HEXA: variants seen among roughly 807,000 people sequenced by gnomAD.
HEXA encodes the protein beta-hexosaminidase subunit alpha.
A neutral mutation model predicts 73.3 loss-of-function variants in HEXA; 54 were observed. The ratio of observed to expected loss-of-function variants is 0.74; its 90% confidence interval spans 0.59 to 0.92. The LOEUF (loss-of-function observed/expected upper bound fraction) is 0.92. Among genes scored for constraint, HEXA ranks in the 40% least tolerant of loss-of-function variants. The probability of loss-of-function intolerance (pLI) is 0.00; values close to 1 mark genes in which losing one functional copy is unlikely to be tolerated. For missense variants in HEXA, 649 were observed against 653.0 expected, an observed-to-expected ratio of 0.99 and a Z score of 0.07; for synonymous variants, 230 against 246.9, an observed-to-expected ratio of 0.93 and a Z score of 0.64.
In HEXA at chr15:72,345,502, T is replaced by G; in HGVS notation, c.1470A>C (p.Thr490=). 1 of 1,614,268 alleles carries G rather than the reference T, an allele frequency of 6.2e-7. No homozygotes were observed. The highest frequency in any genetic ancestry group is 8.5e-7 in the Non-Finnish European group (1 of 1,180,038). Residue 490 remains threonine, a synonymous_variant, in exon 13 of 14, where the codon ACA becomes ACC. Coordinates refer to ENST00000268097, the MANE Select transcript of HEXA (RefSeq NM_000520.6). ...VAERLWSNKL[T]SDLTFAYERL... is the part of the protein sequence containing the mutation. ...GTTCATAGGCAAATGTCAGGTCAGA[T>G]GTCAACTTGTTGCTCCACAGCCTTT...
At chr15:72,363,970 GC>G (rs928151161) in intron 1 of HEXA, among the ~76,000 whole-genome samples, 28 of 152,112 alleles carry the variant, frequency 1.8e-4, no homozygotes, top group Middle Eastern at 3.4e-3. Context: ...ATAAAAATGG[GC>G]CCAGGCTAGG....
chr15:72,354,514 C>G (rs1323326721), intron 3 of HEXA: 2 of 152,346 alleles, frequency 1.3e-5, no homozygotes, highest in Non-Finnish European at 2.9e-5. Flanking sequence ...CCTCAGCAGT[C>G]ACTCAGCACC....
At chr15:72,347,660 TTCTTC>T (rs1567296530) in intron 10 of HEXA, 21 bp downstream of exon 10, 1 of 1,601,888 alleles carries the variant, frequency 6.2e-7, no homozygotes, top group African/African-American at 1.3e-5. Flanking sequence ...TGCTGGTGGC[TTCTTC>T]TCTTCTCTGC....
chr15:72,348,128 G>A lies in HEXA; in HGVS notation c.993C>T (p.Ser331=). 6.2e-7 allele frequency: 1 copy of A among 1,609,376 alleles called. No individual in the cohort carries two copies. The highest frequency in any genetic ancestry group is 8.5e-7 in the Non-Finnish European group (1 of 1,175,718). ...TCATAAAGTCCTGGATCTCTGGGTT[G>A]GACTTCCTGAATCCCAAGAGAAAAT... ...GDEVDFTCWK[S]NPEIQDFMRK... The change falls in exon 9 of 14, where the codon TCC becomes TCT. Residue 331 remains serine (S), a synonymous_variant. Transcript: ENST00000268097.
At position 72,348,082 on chromosome 15, in the gene HEXA, C is replaced by A. The variant is rs745555933; in HGVS notation, c.1039G>T (p.Asp347Tyr). ...DFMRKKGFGE[D>Y]FKQLESFYIQ... ...TAGAAGGACTCCAGCTGCTTGAAGTCCTCACCGAAGCCTTTCTTCCTCATA... is the reference window on the plus strand; with the variant it reads ...TAGAAGGACTCCAGCTGCTTGAAGTACTCACCGAAGCCTTTCTTCCTCATA... Residue 347 changes from aspartate (D) to tyrosine (Y), a missense_variant, in exon 9 of 14, where the codon GAC becomes TAC. Physicochemically the swap from Asp to Tyr is radical, Grantham distance 160 (BLOSUM62 -3). Coordinates refer to ENST00000268097, the MANE Select transcript of HEXA (RefSeq NM_000520.6). The A allele has an allele frequency of 1.2e-6, 2 of 1,613,856 alleles. No individual in the cohort carries two copies. Among genetic ancestry groups the A allele is most frequent in the East Asian group, 2.2e-5 (1 of 44,878 alleles).
chr15:72,375,616 A>ATCTC, intron 1 of HEXA, 104 bp downstream of exon 1: 2 of 1,300,134 alleles, frequency 1.5e-6, no homozygotes, highest in Admixed American at 2.0e-5. Flanking sequence ...CTGTGATCAG[A>ATCTC]GGGCTGGACA....
At chr15:72,351,408 G>T in intron 5 of HEXA, 174 bp from the exon 6 acceptor site, 1 of 672,378 alleles carries the variant, frequency 1.5e-6, no homozygotes, top group Admixed American at 2.1e-5. Flanking sequence ...AGGGAGGGAT[G>T]GCATGGAGGG....
chr15:72,356,684 C>T (rs1472568573), intron 1 of HEXA, 67 bp from the exon 2 acceptor site: 1 of 1,604,634 alleles, frequency 6.2e-7, no homozygotes, highest in African/African-American at 1.3e-5. Flanking sequence ...AACCAAGACC[C>T]TAGCTCTAGT....
intron 1 of HEXA, chr15:72,357,629 T>C (rs2088802482): frequency 6.6e-6 from 1 of 152,204 alleles, no homozygotes; most frequent in South Asian, 2.1e-4. Context: ...ACAACATCCA[T>C]GACTTCTTAT....
intron 5 of HEXA, among the ~76,000 whole-genome samples, chr15:72,352,192 G>C (rs1189245980): frequency 1.3e-5 from 2 of 152,068 alleles, no homozygotes; most frequent in African/African-American, 2.4e-5. Flanking sequence ...TCCTGAGCTC[G>C]GGCAATCCAC....
At position 72,356,512 on chromosome 15, in the gene HEXA, G is replaced by A. The variant is rs200871198; in HGVS notation, c.346+13C>T. 467 of 1,613,788 alleles carry A rather than the reference G, an allele frequency of 2.9e-4. No individual in the cohort carries two copies. In the African/African-American group the frequency reaches 5.7e-3, roughly 20 times the overall value. On this transcript the variant is annotated intron_variant, in intron 2 of 13. Transcript: ENST00000268097. ...GTTTGCTCTTCTAAGACAGGGAACA[G>A]GATGGTACTTACAATTCTCCACTGA...
intron 5 of HEXA, among the ~76,000 whole-genome samples, chr15:72,352,477 T>C (rs191605994): frequency 6.6e-6 from 1 of 151,340 alleles, no homozygotes; most frequent in East Asian, 2.0e-4. Flanking sequence ...TGAGACGCTG[T>C]CTCAAAAACA....
intron 1 of HEXA, among the ~76,000 whole-genome samples, chr15:72,371,068 C>T (rs1046662327): frequency 1.3e-5 from 2 of 152,150 alleles, no homozygotes; most frequent in Non-Finnish European, 2.9e-5. Flanking sequence ...TATAGTTAGC[C>T]GCTAGCCCAA....
At chr15:72,363,928 T>C (rs1344663199) in intron 1 of HEXA, among the ~76,000 whole-genome samples, 1 of 152,198 alleles carries the variant, frequency 6.6e-6, no homozygotes, top group Non-Finnish European at 1.5e-5. Flanking sequence ...TTCCAATTTT[T>C]TTGTAAATAC....
intron 3 of HEXA, 76 bp downstream of exon 3, chr15:72,355,483 G>T (rs2088763434): frequency 7.0e-6 from 7 of 999,494 alleles, no homozygotes; most frequent in Non-Finnish European, 1.1e-5. Context: ...CAGGGACTGG[G>T]CCACTGCACT....
intron 1 of HEXA, 98 bp downstream of exon 1, chr15:72,375,622 G>A: frequency 1.4e-6 from 2 of 1,397,844 alleles, no homozygotes; most frequent in Non-Finnish European, 2.0e-6. Flanking sequence ...TCAGAGGGCT[G>A]GACAAAAGCC....
chr15:72,348,233 CT>C, intron 8 of HEXA, 99 bp from the exon 9 acceptor site: 1 of 818,158 alleles, frequency 1.2e-6, no homozygotes, highest in South Asian at 1.4e-5. Context: ...CTCTTTTCAC[CT>C]GAAAAATCAA....
At chr15:72,348,605 G>C (rs963793429) in intron 8 of HEXA, among the ~76,000 whole-genome samples, 2 of 152,158 alleles carry the variant, frequency 1.3e-5, no homozygotes, top group Non-Finnish European at 2.9e-5. Flanking sequence ...AAGCCAAATT[G>C]ATTTCCCCAG....
Position 72,345,526 on chromosome 15 carries a change from T to C in HEXA, c.1446A>G (p.Glu482=). The C allele has an allele frequency of 6.2e-7, 1 of 1,614,244 alleles. No homozygotes were observed. Residue 482 remains glutamate, a synonymous_variant, in exon 13 of 14, where the codon GAA becomes GAG. Coordinates refer to ENST00000268097, the MANE Select transcript of HEXA (RefSeq NM_000520.6). Reference sequence around the variant, plus strand: ...ATGTCAACTTGTTGCTCCACAGCCTTTCGGCAACAGCCCCTGCTCTGGGCC... The same window carrying C: ...ATGTCAACTTGTTGCTCCACAGCCTCTCGGCAACAGCCCCTGCTCTGGGCC... ...RLWPRAGAVA[E]RLWSNKLTSD... is the part of the protein sequence containing the mutation.
Sources: allele counts gnomAD v4.1 joint callset (sites outside exome capture counted in the v4.1 genomes callset), GRCh38; gene constraint gnomAD v4.1.1; transcripts MANE v1.5; gene names NCBI Gene and HGNC (gene_info 2026-07-23, HGNC 2026-07-21).